Variants in TFCP2 observed in about 807,000 individuals in gnomAD.
TFCP2 encodes transcription factor CP2.
Under a neutral mutation model 73.4 loss-of-function variants are expected in TFCP2, and 33 were observed. The observed-to-expected ratio is 0.45, with a 90% confidence interval of 0.34 to 0.60. TFCP2 has a LOEUF of 0.60. Among genes scored for constraint, TFCP2 ranks in the 20% least tolerant of loss-of-function variants. The pLI is 0.01. For synonymous variants in TFCP2, 193 were observed against 211.6 expected (o/e 0.91, Z 0.76); for missense variants, 352 against 604.0 (o/e 0.58, Z 4.37).
rs1412174842 is a variant in TFCP2, at chr12:51,128,403, C to G, written c.123-9631G>C. Among the ~76,000 whole-genome samples, 4 of 151,128 alleles carry G rather than the reference C, an allele frequency of 2.6e-5. No homozygotes were observed. In the East Asian group the frequency reaches 7.7e-4, roughly 29 times the overall value. ...ATGACGACTTAATGGGTGCAGCACA[C>G]CAGCATGGCACTTGTATACATATGT... On this transcript the variant is annotated intron_variant, in intron 1 of 14. Transcript: ENST00000257915.
Position 51,133,692 on chromosome 12 carries a change from T to G in TFCP2, c.123-14920A>C, listed in dbSNP as rs368056759. Among the ~76,000 whole-genome samples the G allele has an allele frequency of 6.9e-4, 105 of 152,122 alleles. No homozygotes were observed. The Middle Eastern group carries it at 0.01, about 15-fold the overall frequency. On this transcript the variant is annotated intron_variant, in intron 1 of 14. Coordinates refer to ENST00000257915, the MANE Select transcript of TFCP2 (RefSeq NM_005653.5). ...CTGTAATCCCAGCACTTTGGGAGGC[T>G]GAGGCGGGCAGATCACTTAAGGTCA...
Position 51,131,300 on chromosome 12 carries a change from AC to A in TFCP2, c.123-12529del, listed in dbSNP as rs1228873388. Among the ~76,000 whole-genome samples, 4 of 144,466 alleles carry A rather than the reference AC, an allele frequency of 2.8e-5. No individual in the cohort carries two copies. The East Asian group carries it at 6.1e-4, about 22-fold the overall frequency. The allele number at this position is 144,466 out of a possible 152,430, so 94.8% of individuals were successfully genotyped here. On this transcript the variant is annotated intron_variant, in intron 1 of 14. Transcript: ENST00000257915. ...CAGTGAGCCAAGATCGCACCACTGC[AC>A]CCCAGCCTGGGTGACAGAGCAAGAC...
At chr12:51,154,111 G>A (rs559386666) in intron 1 of TFCP2, among the ~76,000 whole-genome samples, 1 of 152,174 alleles carries the variant, frequency 6.6e-6, no homozygotes, top group East Asian at 1.9e-4. Flanking sequence ...ACAACATTTT[G>A]CTTATACATT....
intron 13 of TFCP2, among the ~76,000 whole-genome samples, chr12:51,097,398 C>A (rs539162411): frequency 1.3e-5 from 2 of 152,198 alleles, no homozygotes; most frequent in Admixed American, 1.3e-4. Flanking sequence ...TAGGCACCTG[C>A]CATCATGCCC....
chr12:51,103,636 TG>T, intron 10 of TFCP2, 33 bp downstream of exon 10: 1 of 1,580,452 alleles, frequency 6.3e-7, no homozygotes, highest in Non-Finnish European at 8.7e-7. Flanking sequence ...GAAAATTTCA[TG>T]CTAGGGAAAA....
chr12:51,101,282 G>C (rs1485143988), intron 11 of TFCP2, among the ~76,000 whole-genome samples: 2 of 152,282 alleles, frequency 1.3e-5, no homozygotes, highest in South Asian at 2.1e-4. Context: ...TCCAGTCTGG[G>C]CGAAAGAGTG....
chr12:51,095,905 T>C (rs1456533417), intron 14 of TFCP2, 84 bp downstream of exon 14: 4 of 1,018,198 alleles, frequency 3.9e-6, no homozygotes, highest in East Asian at 5.1e-5. Context: ...ACTTTTCCTA[T>C]CTCTCCTCAA....
chr12:51,096,174 T>G (rs951567393), intron 13 of TFCP2, 134 bp from the exon 14 acceptor site: 22 of 654,066 alleles, frequency 3.4e-5, no homozygotes, highest in Non-Finnish European at 5.6e-5. Context: ...ATGTATTTCT[T>G]GAATATCTAG....
intron 7 of TFCP2, chr12:51,106,919 T>C (rs1940260406): frequency 4.0e-6 from 2 of 506,138 alleles, no homozygotes; most frequent in African/African-American, 2.0e-5. Context: ...AGGTGGTTTA[T>C]GCCCAAGATG....
chr12:51,162,597 C>G (rs1293072112), intron 1 of TFCP2, among the ~76,000 whole-genome samples: 1 of 152,194 alleles, frequency 6.6e-6, no homozygotes, highest in Non-Finnish European at 1.5e-5. Flanking sequence ...ATCAACTCTA[C>G]TCTCTTAGCA....
At chr12:51,140,842 G>A (rs1941177673) in intron 1 of TFCP2, among the ~76,000 whole-genome samples, 1 of 151,926 alleles carries the variant, frequency 6.6e-6, no homozygotes, top group Non-Finnish European at 1.5e-5. Context: ...AATCATCTGA[G>A]GTCAAGAGTT....
chr12:51,123,238 C>T (rs548682797), intron 1 of TFCP2, among the ~76,000 whole-genome samples: 3 of 152,322 alleles, frequency 2.0e-5, no homozygotes, highest in African/African-American at 7.2e-5. Flanking sequence ...ATTTCCTCAT[C>T]AAAGAGTTTA....
intron 1 of TFCP2, chr12:51,125,045 C>T (rs956523849): frequency 2.7e-6 from 2 of 745,116 alleles, no homozygotes; most frequent in South Asian, 1.4e-5. Context: ...GGATCTCGGT[C>T]GTGATGTACG....
chr12:51,152,939 A>C (rs1313355155), intron 1 of TFCP2, among the ~76,000 whole-genome samples: 1 of 152,220 alleles, frequency 6.6e-6, no homozygotes, highest in African/African-American at 2.4e-5. Context: ...TGAAACTCTT[A>C]TAGCCACTGA....
At chr12:51,139,079 T>C (rs1941130823) in intron 1 of TFCP2, among the ~76,000 whole-genome samples, 1 of 152,184 alleles carries the variant, frequency 6.6e-6, no homozygotes, top group Admixed American at 6.5e-5. Flanking sequence ...AGAGTAAATT[T>C]GTATTTCTAA....
chr12:51,161,196 C>G (rs1288562838), intron 1 of TFCP2, among the ~76,000 whole-genome samples: 1 of 152,060 alleles, frequency 6.6e-6, no homozygotes, highest in African/African-American at 2.4e-5. Flanking sequence ...GATATACACT[C>G]TTTGCAAAGA....
At position 51,154,780 on chromosome 12, in the gene TFCP2, G is replaced by C. The variant is rs887130724; in HGVS notation, c.122+17521C>G. The stretch of plus-strand genomic sequence containing the variant: ...ACCTATTTTTTTACAGGCCACAGTT[G>C]ACCTTGGGTAACTGATATCTCAGAA... On this transcript the variant is annotated intron_variant, in intron 1 of 14. Transcript: ENST00000257915. 5.3e-5 allele frequency among the ~76,000 whole-genome samples: 8 copies of C among 152,250 alleles called. No individual in the cohort carries two copies. In the East Asian group the frequency reaches 1.4e-3, roughly 26 times the overall value.
chr12:51,095,689 C>T (rs951341789), intron 14 of TFCP2, among the ~76,000 whole-genome samples: 62 of 151,500 alleles, frequency 4.1e-4, no homozygotes, highest in African/African-American at 1.4e-3. Flanking sequence ...TGGCACGTGC[C>T]TGTAATCCCA....
At chr12:51,167,621 G>T (rs1384130753) in intron 1 of TFCP2, among the ~76,000 whole-genome samples, 1 of 151,982 alleles carries the variant, frequency 6.6e-6, no homozygotes, top group Non-Finnish European at 1.5e-5. Flanking sequence ...TTGAACTCCT[G>T]ACCTCAAGGT....
Sources: gnomAD v4.1 joint callset for allele counts (sites outside exome capture counted in the v4.1 genomes callset) on GRCh38, gnomAD v4.1.1 for gene constraint, MANE v1.5 for transcripts, NCBI Gene and HGNC (gene_info 2026-07-23, HGNC 2026-07-21) for gene names.